SLC8A3: variants seen among roughly 807,000 people sequenced by gnomAD.
SLC8A3 encodes sodium/calcium exchanger 3.
Under a neutral mutation model 65.4 loss-of-function variants are expected in SLC8A3, and 37 were observed. The ratio of observed to expected loss-of-function variants is 0.57; its 90% confidence interval spans 0.44 to 0.74. The LOEUF is 0.74. SLC8A3 is among the 30% of genes least tolerant of loss of function. The pLI, the probability that SLC8A3 is intolerant of heterozygous loss-of-function variation, is 0.00. For synonymous variants in SLC8A3, 461 were observed against 444.5 expected (o/e 1.04, Z -0.47); for missense variants, 1,112 against 1,172.1 (o/e 0.95, Z 0.75).
At chr14:70,091,015 T>C (rs1303329486) in intron 2 of SLC8A3, among the ~76,000 whole-genome samples, 1 of 152,164 alleles carries the variant, frequency 6.6e-6, no homozygotes, top group Non-Finnish European at 1.5e-5. Context: ...ACCCCTGGAC[T>C]AAGAGCTAAA....
At chr14:70,058,600 C>T (rs1302593253) in intron 3 of SLC8A3, among the ~76,000 whole-genome samples, 1 of 152,158 alleles carries the variant, frequency 6.6e-6, no homozygotes, top group East Asian at 1.9e-4. Context: ...AGAATCTGTG[C>T]AAAACAGGAA....
At chr14:70,096,005 C>T (rs1233648529) in intron 2 of SLC8A3, among the ~76,000 whole-genome samples, 1 of 152,086 alleles carries the variant, frequency 6.6e-6, no homozygotes. Flanking sequence ...CCTCAGCCTC[C>T]CAAGTAGCTG....
intron 2 of SLC8A3, among the ~76,000 whole-genome samples, chr14:70,066,483 C>G (rs1405353916): frequency 3.1e-5 from 2 of 63,500 alleles, no homozygotes; most frequent in African/African-American, 1.5e-4. Context: ...TAATTTACTA[C>G]CCCCCTTCCT....
chr14:70,147,840 T>C (rs1896027678), intron 2 of SLC8A3, among the ~76,000 whole-genome samples: 2 of 152,120 alleles, frequency 1.3e-5, no homozygotes, highest in South Asian at 4.1e-4. Context: ...GAGAAATAAA[T>C]GTGTTGTTTG....
At chr14:70,090,992 G>A (rs1891765751) in intron 2 of SLC8A3, among the ~76,000 whole-genome samples, 1 of 152,226 alleles carries the variant, frequency 6.6e-6, no homozygotes, top group Non-Finnish European at 1.5e-5. Flanking sequence ...GGTCCATGGA[G>A]TGCCAGTTGA....
At chr14:70,174,321 G>T (rs142972046) in intron 1 of SLC8A3, among the ~76,000 whole-genome samples, 4 of 152,216 alleles carry the variant, frequency 2.6e-5, no homozygotes, top group African/African-American at 9.7e-5. Flanking sequence ...TTCCAGCCTC[G>T]CCTCAATGAG....
chr14:70,062,500 T>C (rs1888920675), intron 2 of SLC8A3, among the ~76,000 whole-genome samples: 1 of 152,206 alleles, frequency 6.6e-6, no homozygotes, highest in Non-Finnish European at 1.5e-5. Flanking sequence ...TACAAGCACA[T>C]GCTGTACAGG....
intron 2 of SLC8A3, among the ~76,000 whole-genome samples, chr14:70,121,189 A>G (rs950011211): frequency 5.9e-5 from 9 of 152,152 alleles, no homozygotes; most frequent in African/African-American, 2.2e-4. Context: ...AAGAGAGATT[A>G]AACAGCTCAT....
At chr14:70,138,058 G>A (rs2140257129) in intron 2 of SLC8A3, among the ~76,000 whole-genome samples, 1 of 152,272 alleles carries the variant, frequency 6.6e-6, no homozygotes, top group Admixed American at 6.5e-5. Flanking sequence ...CTGAGATCTT[G>A]TTTTCAGGAG....
intron 1 of SLC8A3, among the ~76,000 whole-genome samples, chr14:70,180,126 G>A (rs1882611393): frequency 6.6e-6 from 1 of 152,196 alleles, no homozygotes; most frequent in Non-Finnish European, 1.5e-5. Flanking sequence ...TATCTTCTGA[G>A]GTTACCCATG....
intron 2 of SLC8A3, among the ~76,000 whole-genome samples, chr14:70,074,309 T>C (rs17175346): frequency 0.076 from 11,615 of 152,330 alleles, 523 homozygotes; most frequent in Non-Finnish European, 0.11. Flanking sequence ...TTCTTCCCTT[T>C]TTCTCCCAGT....
At chr14:70,186,445 G>A (rs1883224289) in intron 1 of SLC8A3, among the ~76,000 whole-genome samples, 1 of 152,202 alleles carries the variant, frequency 6.6e-6, no homozygotes, top group Admixed American at 6.5e-5. Context: ...AGTGAGCTGA[G>A]AGCTGAAGCT....
At chr14:70,070,683 AAG>A (rs1889931138) in intron 2 of SLC8A3, among the ~76,000 whole-genome samples, 1 of 152,150 alleles carries the variant, frequency 6.6e-6, no homozygotes, top group Admixed American at 6.5e-5. Flanking sequence ...ACTAGCTTAT[AAG>A]AGAGTGATCA....
In SLC8A3 at chr14:70,184,326, C is replaced by T. The variant is rs368156869; in HGVS notation, c.-63+4053G>A. On this transcript the variant is annotated intron_variant, in intron 1 of 6. Transcript: ENST00000356921. ...TCAGTAGTCAACATTTTCCTAACCC[C>T]GTGCTGGAAACTCAGTGGAAATTCT... Among the ~76,000 whole-genome samples, 6 of 152,184 alleles carry T rather than the reference C, an allele frequency of 3.9e-5. No homozygotes were observed. In the East Asian group the frequency reaches 9.6e-4, roughly 24 times the overall value.
At chr14:70,090,364 G>T (rs955181523) in intron 2 of SLC8A3, among the ~76,000 whole-genome samples, 3 of 152,020 alleles carry the variant, frequency 2.0e-5, no homozygotes, top group East Asian at 1.9e-4. Flanking sequence ...CGTCATATGC[G>T]CATGTCCTCC....
At chr14:70,098,290 T>C (rs1302235052) in intron 2 of SLC8A3, among the ~76,000 whole-genome samples, 2 of 54,528 alleles carry the variant, frequency 3.7e-5, no homozygotes, top group African/African-American at 6.9e-5. Context: ...GTTTTCCTTC[T>C]TTTTCTCACT....
At chr14:70,076,452 T>A (rs1481371710) in intron 2 of SLC8A3, among the ~76,000 whole-genome samples, 2 of 152,194 alleles carry the variant, frequency 1.3e-5, no homozygotes, top group Non-Finnish European at 2.9e-5. Context: ...GTTGAATGAA[T>A]GCATGAATGA....
chr14:70,171,438 T>G (rs1897525845), intron 1 of SLC8A3, among the ~76,000 whole-genome samples: 2 of 152,130 alleles, frequency 1.3e-5, no homozygotes, highest in African/African-American at 2.4e-5. Context: ...TATCATATGA[T>G]CAGAATCAGA....
In SLC8A3 at chr14:70,188,639, G is replaced by A. The variant is rs1449899281; in HGVS notation, c.-323C>T. On this transcript the variant is annotated 5_prime_UTR_variant, in exon 1 of 7. Transcript: ENST00000356921. ...GGGAGGGAGGGTGTCTGGGGCCAGGGCGAGGGGCCCCGGGAGGGGTCCTTC... is the reference window on the plus strand; with the variant it reads ...GGGAGGGAGGGTGTCTGGGGCCAGGACGAGGGGCCCCGGGAGGGGTCCTTC... The A allele has an allele frequency of 6.6e-6, 1 of 152,250 alleles. No individual in the cohort carries two copies. Among genetic ancestry groups the A allele is most frequent in the Non-Finnish European group, 1.5e-5 (1 of 68,090 alleles). 9.4% of individuals were successfully genotyped at this position (152,250 alleles called of 1,614,324 possible). A position where few individuals can be genotyped will look rare whatever the true frequency, so the allele number is the denominator to read the frequency against.
Sources: allele counts gnomAD v4.1 joint callset (sites outside exome capture counted in the v4.1 genomes callset), GRCh38; gene constraint gnomAD v4.1.1; transcripts MANE v1.5; gene names NCBI Gene and HGNC (gene_info 2026-07-23, HGNC 2026-07-21).